The following TAFA4 variants were observed in gnomAD, a reference collection of about 807,000 sequenced individuals.
TAFA4 encodes TAFA chemokine like family member 4.
A neutral mutation model predicts 21.1 loss-of-function variants in TAFA4; 20 were observed. The observed-to-expected ratio is 0.95, with a 90% CI of 0.67 to 1.38. The LOEUF (loss-of-function observed/expected upper bound fraction) is 1.38. Ranked by LOEUF, TAFA4 falls within the 40% of genes most tolerant of loss-of-function variation. TAFA4 has a pLI of 0.00. For synonymous variants in TAFA4, 71 were observed against 67.4 expected (o/e 1.05, Z -0.26); for missense variants, 211 against 180.9 (o/e 1.17, Z -0.95).
chr3:68,845,743 G>T (rs185602745), intron 3 of TAFA4, among the ~76,000 whole-genome samples: 1 of 152,168 alleles, frequency 6.6e-6, no homozygotes, highest in Non-Finnish European at 1.5e-5. Context: ...GCATTTGCTT[G>T]TCTGTAAAGG....
intron 5 of TAFA4, among the ~76,000 whole-genome samples, chr3:68,737,351 G>A (rs578234243): frequency 2.0e-5 from 3 of 152,224 alleles, no homozygotes; most frequent in South Asian, 2.1e-4. Flanking sequence ...GAAATTTATT[G>A]GGAATGGCTT....
intron 3 of TAFA4, among the ~76,000 whole-genome samples, chr3:68,813,341 C>T (rs10446387): frequency 0.63 from 96,321 of 151,948 alleles, 31,247 homozygotes; most frequent in East Asian, 0.98. Context: ...CTGAAGGAGA[C>T]AGAGACACAG....
chr3:68,742,524 C>T (rs941738805), intron 4 of TAFA4, among the ~76,000 whole-genome samples: 2 of 152,086 alleles, frequency 1.3e-5, no homozygotes, highest in African/African-American at 4.8e-5. Context: ...AATTTCCTTC[C>T]TGCATTTTCT....
intron 3 of TAFA4, among the ~76,000 whole-genome samples, chr3:68,809,000 A>G (rs1311958688): frequency 6.6e-6 from 1 of 152,204 alleles, no homozygotes; most frequent in Non-Finnish European, 1.5e-5. Flanking sequence ...TGTCACTTCC[A>G]CTCAGATTTC....
intron 1 of TAFA4, among the ~76,000 whole-genome samples, chr3:68,893,313 TATC>T (rs1167969565): frequency 6.6e-6 from 1 of 152,236 alleles, no homozygotes; most frequent in African/African-American, 2.4e-5. Context: ...CTTCTAATAC[TATC>T]ATCATTACTA....
chr3:68,921,975 G>C (rs750314146), intron 1 of TAFA4, among the ~76,000 whole-genome samples: 13 of 152,136 alleles, frequency 8.5e-5, no homozygotes, highest in Admixed American at 2.0e-4. Flanking sequence ...ATCAAAATCA[G>C]TTTCTCGGGC....
chr3:68,777,275 G>C (rs1258310186), intron 3 of TAFA4, among the ~76,000 whole-genome samples: 1 of 152,004 alleles, frequency 6.6e-6, no homozygotes, highest in South Asian at 2.1e-4. Context: ...ATATACATAA[G>C]GCAGTATATT....
intron 3 of TAFA4, among the ~76,000 whole-genome samples, chr3:68,826,343 G>A (rs1704235317): frequency 6.6e-6 from 1 of 152,274 alleles, no homozygotes. Context: ...GGAGGCCGAG[G>A]CAGGCAGATC....
chr3:68,913,393 C>G (rs1202654619), intron 1 of TAFA4, among the ~76,000 whole-genome samples: 1 of 152,116 alleles, frequency 6.6e-6, no homozygotes, highest in Non-Finnish European at 1.5e-5. Context: ...TCCTTGTATA[C>G]CCGGTGGCTG....
intron 3 of TAFA4, among the ~76,000 whole-genome samples, chr3:68,772,129 T>C (rs1278191677): frequency 2.0e-5 from 3 of 152,188 alleles, no homozygotes; most frequent in African/African-American, 7.2e-5. Flanking sequence ...AGATGAGCTT[T>C]ATGGAAGCAA....
intron 1 of TAFA4, among the ~76,000 whole-genome samples, chr3:68,890,797 G>A (rs2089722190): frequency 6.6e-6 from 1 of 152,200 alleles, no homozygotes; most frequent in African/African-American, 2.4e-5. Flanking sequence ...TTCAGGACTT[G>A]AAGACATTGG....
intron 3 of TAFA4, among the ~76,000 whole-genome samples, chr3:68,805,008 G>A (rs1703661806): frequency 6.6e-6 from 1 of 152,126 alleles, no homozygotes; most frequent in African/African-American, 2.4e-5. Context: ...CTATCAGGGT[G>A]AACAGGCAAC....
At chr3:68,856,886 C>T (rs937831034) in intron 3 of TAFA4, among the ~76,000 whole-genome samples, 2 of 152,046 alleles carry the variant, frequency 1.3e-5, no homozygotes, top group African/African-American at 4.8e-5. Flanking sequence ...ATCCAAGCTC[C>T]ACCATCTGCT....
chr3:68,864,651 G>A (rs1466229693), intron 3 of TAFA4, among the ~76,000 whole-genome samples: 1 of 152,092 alleles, frequency 6.6e-6, no homozygotes, highest in Non-Finnish European at 1.5e-5. Context: ...AATGTTCACA[G>A]CAGCTGTATT....
intron 1 of TAFA4, among the ~76,000 whole-genome samples, chr3:68,897,244 T>C (rs894914064): frequency 6.6e-6 from 1 of 152,196 alleles, no homozygotes; most frequent in African/African-American, 2.4e-5. Context: ...GCTAGGAAGC[T>C]GACAGCCAAA....
At chr3:68,927,357 T>G (rs187331067) in intron 1 of TAFA4, among the ~76,000 whole-genome samples, 1 of 152,124 alleles carries the variant, frequency 6.6e-6, no homozygotes, top group African/African-American at 2.4e-5. Flanking sequence ...TTAGAACACA[T>G]GGCACAGATG....
intron 3 of TAFA4, among the ~76,000 whole-genome samples, chr3:68,850,887 A>G (rs964480861): frequency 5.3e-5 from 8 of 152,070 alleles, no homozygotes; most frequent in Admixed American, 4.6e-4. Flanking sequence ...TTTAGTTTAA[A>G]TAGATCCCAT....
chr3:68,862,508 C>T (rs543834656), intron 3 of TAFA4, among the ~76,000 whole-genome samples: 4 of 152,178 alleles, frequency 2.6e-5, no homozygotes, highest in African/African-American at 9.6e-5. Flanking sequence ...TTAACATGTT[C>T]CTGAGCATTT....
chr3:68,850,434 G>A (rs761144941), intron 3 of TAFA4, among the ~76,000 whole-genome samples: 7 of 152,018 alleles, frequency 4.6e-5, no homozygotes, highest in Non-Finnish European at 1.0e-4. Context: ...TTCAAATTAC[G>A]GTATTTCTGG....
Sources: allele counts gnomAD v4.1 joint callset (sites outside exome capture counted in the v4.1 genomes callset), GRCh38; gene constraint gnomAD v4.1.1; transcripts MANE v1.5; gene names NCBI Gene and HGNC (gene_info 2026-07-23, HGNC 2026-07-21).